ARHGAP21: variants seen among roughly 807,000 people sequenced by gnomAD.
ARHGAP21 encodes the protein rho GTPase-activating protein 21.
A neutral mutation model predicts 164.6 loss-of-function variants in ARHGAP21; 38 were observed. That is an observed-to-expected ratio of 0.23 (90% CI 0.18 to 0.30). The LOEUF (loss-of-function observed/expected upper bound fraction) is 0.30. Ranked by LOEUF, ARHGAP21 falls within the 10% of genes least tolerant of loss-of-function variation. The pLI is 1.00. For synonymous variants in ARHGAP21, 766 were observed against 857.9 expected, an observed-to-expected ratio of 0.89 and a Z score of 1.87; for missense variants, 1,822 against 2,370.7, an observed-to-expected ratio of 0.77 and a Z score of 4.81.
At chr10:24,663,940 A>T (rs528088897) in intron 4 of ARHGAP21, among the ~76,000 whole-genome samples, 7 of 152,284 alleles carry the variant, frequency 4.6e-5, no homozygotes, top group African/African-American at 1.7e-4. Flanking sequence ...TGTGATAAAG[A>T]TGTGTATAAA....
chr10:24,652,548 A>G (rs1239883467), intron 4 of ARHGAP21, among the ~76,000 whole-genome samples: 1 of 152,220 alleles, frequency 6.6e-6, no homozygotes, highest in African/African-American at 2.4e-5. Context: ...AAGGCAAGTC[A>G]CAGGTTGAAT....
intron 24 of ARHGAP21, 96 bp downstream of exon 24, chr10:24,591,129 A>G: frequency 1.7e-6 from 2 of 1,149,176 alleles, no homozygotes; most frequent in Non-Finnish European, 1.2e-6. Flanking sequence ...AAAGAAAAAA[A>G]TCATAAGTAA....
chr10:24,675,301 G>T (rs986701844), intron 2 of ARHGAP21, among the ~76,000 whole-genome samples: 23 of 152,194 alleles, frequency 1.5e-4, no homozygotes, highest in Non-Finnish European at 2.5e-4. Flanking sequence ...AAAGAACCCA[G>T]ATCAAAGAAG....
At chr10:24,601,001 AGCAACACCCTTCCTCT>A in intron 13 of ARHGAP21, 71 bp from the exon 14 acceptor site, 1 of 1,524,792 alleles carries the variant, frequency 6.6e-7, no homozygotes, top group Admixed American at 1.9e-5. Context: ...AAGCACATTA[AGCAACACCCTTCCTCT>A]GCATTTACAT....
intron 5 of ARHGAP21, among the ~76,000 whole-genome samples, chr10:24,634,255 T>C (rs149057286): frequency 6.6e-6 from 1 of 152,130 alleles, no homozygotes; most frequent in African/African-American, 2.4e-5. Context: ...AAAACTAAGG[T>C]GGGTAATACA....
intron 2 of ARHGAP21, among the ~76,000 whole-genome samples, chr10:24,679,824 G>A (rs2131874981): frequency 2.0e-5 from 3 of 152,270 alleles, no homozygotes; most frequent in Middle Eastern, 6.8e-3. Flanking sequence ...GGGTACATGT[G>A]CACAACGTGC....
chr10:24,608,265 A>G (rs2077115587), intron 9 of ARHGAP21, among the ~76,000 whole-genome samples: 1 of 152,200 alleles, frequency 6.6e-6, no homozygotes, highest in African/African-American at 2.4e-5. Flanking sequence ...TTTTAAATGT[A>G]CCACAGATTA....
chr10:24,622,489 G>A, intron 8 of ARHGAP21, among the ~76,000 whole-genome samples: 1 of 110,144 alleles, frequency 9.1e-6, no homozygotes, highest in Non-Finnish European at 1.9e-5. Flanking sequence ...TATATATACT[G>A]ATGCAGATAA....
chr10:24,602,255 G>C (rs1210166875), intron 12 of ARHGAP21, 152 bp from the exon 13 acceptor site: 1 of 832,990 alleles, frequency 1.2e-6, no homozygotes, highest in African/African-American at 1.8e-5. Flanking sequence ...AAAATTTCTA[G>C]TCTCATTTAA....
chr10:24,614,392 G>C (rs1292330519), intron 9 of ARHGAP21, among the ~76,000 whole-genome samples: 1 of 152,096 alleles, frequency 6.6e-6, no homozygotes, highest in East Asian at 1.9e-4. Flanking sequence ...TTATAAACCA[G>C]GCATTTGTTA....
intron 7 of ARHGAP21, among the ~76,000 whole-genome samples, chr10:24,626,191 T>C (rs1466141597): frequency 6.6e-6 from 1 of 152,168 alleles, no homozygotes; most frequent in Admixed American, 6.5e-5. Context: ...TGGAGCCAAA[T>C]GCTTAACAAA....
At position 24,584,788 on chromosome 10, in the gene ARHGAP21, G is replaced by C; in HGVS notation, c.5501C>G (p.Ala1834Gly). The C allele has an allele frequency of 6.2e-7, 1 of 1,613,966 alleles. No homozygotes were observed. The highest frequency in any genetic ancestry group is 1.3e-5 in the African/African-American group (1 of 75,032). ...GCATTTTGGTTTTAACCGGTTTACA[G>C]CTGAAAGTTCAGATTCTCTCTCCCC... ...QSGERESELS[A>G]VNRLKPKCSA... Residue 1834 changes from alanine (A) to glycine (G), a missense_variant, in exon 26 of 26, where the codon GCT becomes GGT. This residue lies in a region of ARHGAP21 where 165 missense variants were observed against 176.6 expected (regional missense o/e 0.93). Transcript: ENST00000396432.
chr10:24,608,968 T>C (rs1180915805), intron 9 of ARHGAP21, among the ~76,000 whole-genome samples: 2 of 152,204 alleles, frequency 1.3e-5, no homozygotes, highest in Non-Finnish European at 1.5e-5. Flanking sequence ...CTAAAACTTG[T>C]AGTATTTAAA....
intron 2 of ARHGAP21, among the ~76,000 whole-genome samples, chr10:24,710,492 T>C (rs1410986446): frequency 6.6e-6 from 1 of 152,164 alleles, no homozygotes; most frequent in African/African-American, 2.4e-5. Context: ...TAAAATCCTA[T>C]TCATTGCAAC....
chr10:24,607,933 C>A (rs1391522478), intron 9 of ARHGAP21, 30 bp from the exon 10 acceptor site: 1 of 1,568,326 alleles, frequency 6.4e-7, no homozygotes. Context: ...TCAGAATGTT[C>A]AATGACCTAA....
intron 23 of ARHGAP21, 137 bp downstream of exon 23, chr10:24,591,505 T>G (rs554984210): frequency 8.2e-6 from 10 of 1,217,334 alleles, no homozygotes; most frequent in South Asian, 7.9e-5. Flanking sequence ...ATTCATTAGA[T>G]CAGAAACTGA....
chr10:24,700,265 G>A (rs555271420), intron 2 of ARHGAP21, among the ~76,000 whole-genome samples: 4 of 152,146 alleles, frequency 2.6e-5, no homozygotes, highest in African/African-American at 4.8e-5. Flanking sequence ...CACCAGCAAG[G>A]TTTCCCTGTG....
intron 16 of ARHGAP21, among the ~76,000 whole-genome samples, chr10:24,597,090 C>A (rs1243742095): frequency 1.8e-4 from 26 of 147,808 alleles, no homozygotes; most frequent in African/African-American, 1.5e-4. Flanking sequence ...TTTAAAACAG[C>A]AAAAAAAAAA....
intron 4 of ARHGAP21, among the ~76,000 whole-genome samples, chr10:24,642,287 G>A (rs1203864471): frequency 7.2e-5 from 11 of 151,900 alleles, no homozygotes; most frequent in African/African-American, 2.4e-4. Flanking sequence ...AGGCCGAGGC[G>A]GGCGGATCAC....
Sources: allele counts gnomAD v4.1 joint callset (sites outside exome capture counted in the v4.1 genomes callset), GRCh38; gene constraint gnomAD v4.1.1; regional missense constraint gnomAD v4.1.1; transcripts MANE v1.5; gene names NCBI Gene and HGNC (gene_info 2026-07-23, HGNC 2026-07-21).